Variants in AKAP9 observed in about 807,000 individuals in gnomAD.
The protein encoded by AKAP9 is A-kinase anchoring protein 9, also known as A-kinase anchor protein 9.
In AKAP9, 311 loss-of-function variants were observed where a neutral mutation model predicts 488.5. The observed-to-expected ratio is 0.64, with a 90% CI of 0.58 to 0.70. The LOEUF (loss-of-function observed/expected upper bound fraction) is 0.70. Among genes scored for constraint, AKAP9 ranks in the 30% least tolerant of loss-of-function variants. The pLI is 0.00. For missense variants in AKAP9, 4,215 were observed against 4,374.5 expected (o/e 0.96, Z 1.03); for synonymous variants, 1,462 against 1,483.5 (o/e 0.99, Z 0.33).
At chr7:92,096,461 A>G (rs952734276) in intron 40 of AKAP9, among the ~76,000 whole-genome samples, 27 of 151,870 alleles carry the variant, frequency 1.8e-4, no homozygotes, top group African/African-American at 3.1e-4. Context: ...CAGCCTCCCA[A>G]GTAGCTGGGA....
At chr7:91,987,702 A>G (rs757018418) in intron 3 of AKAP9, among the ~76,000 whole-genome samples, 73 of 152,196 alleles carry the variant, frequency 4.8e-4, no homozygotes, top group Non-Finnish European at 2.2e-4. Flanking sequence ...ATTTAATGAT[A>G]TTAGACTGGC....
In AKAP9 at chr7:92,097,367, C is replaced by G. The variant is rs1816796885; in HGVS notation, c.10398+10C>G. The G allele has an allele frequency of 1.9e-6, 3 of 1,611,712 alleles. No homozygotes were observed. The highest frequency in any genetic ancestry group is 2.5e-6 in the Non-Finnish European group (3 of 1,179,002). On this transcript the variant is annotated intron_variant, in intron 41 of 49. Coordinates refer to ENST00000356239, the MANE Select transcript of AKAP9 (RefSeq NM_005751.5). ...TCAGAACCTTAATGAGGTAAACTGACAGTTTCTTTTTAGATATTTTTAAGG... is the reference window on the plus strand; with the variant it reads ...TCAGAACCTTAATGAGGTAAACTGAGAGTTTCTTTTTAGATATTTTTAAGG...
chr7:92,065,476 A>C lies in AKAP9; in HGVS notation c.6210+13A>C. On this transcript the variant is annotated intron_variant, in intron 25 of 49. Coordinates refer to ENST00000356239, the MANE Select transcript of AKAP9 (RefSeq NM_005751.5). ...AAAATTTTTAGATGTAAGTATTCTC[A>C]AGTTGAATACTGATTTTTCTCAGTG... 1.7e-5 allele frequency: 26 copies of C among 1,546,120 alleles called. No homozygotes were observed. The highest frequency in any genetic ancestry group is 2.7e-5 in the African/African-American group (2 of 73,600).
intron 37 of AKAP9, among the ~76,000 whole-genome samples, chr7:92,088,627 G>T (rs1157534037): frequency 6.6e-6 from 1 of 152,200 alleles, no homozygotes; most frequent in East Asian, 1.9e-4. Context: ...TAGGGTTAGG[G>T]AGAGAGTTTG....
At chr7:91,973,681 G>A (rs201748737) in intron 1 of AKAP9, 30 bp from the exon 2 acceptor site, 32 of 1,607,688 alleles carry the variant, frequency 2.0e-5, no homozygotes, top group Non-Finnish European at 2.5e-5. Context: ...AATTATCTTT[G>A]ACAATAACGG....
Position 91,971,982 on chromosome 7 carries a change from CTTTTT to C in AKAP9, c.49-1713_49-1709del, listed in dbSNP as rs71107846. Among the ~76,000 whole-genome samples the C allele has an allele frequency of 1.5e-4, 14 of 91,884 alleles. No homozygotes were observed. The South Asian group carries it at 3.1e-3, about 20-fold the overall frequency. The allele number at this position is 91,884 out of a possible 152,430, so 60.3% of individuals were successfully genotyped here. A position where few individuals can be genotyped will look rare whatever the true frequency, so the allele number is the denominator to read the frequency against. On this transcript the variant is annotated intron_variant, in intron 1 of 49. Coordinates refer to ENST00000356239, the MANE Select transcript of AKAP9 (RefSeq NM_005751.5). ...ATAGAGTCTTTTATGTTTTGCCTCT[CTTTTT>C]TTTTTTTTTTTTTTTGCACTATGTC... is the stretch of plus-strand genomic sequence containing the variant.
intron 2 of AKAP9, 98 bp from the exon 3 acceptor site, chr7:91,980,191 A>C: frequency 1.5e-6 from 1 of 655,370 alleles, no homozygotes; most frequent in South Asian, 2.5e-5. Flanking sequence ...ATTTTATGTG[A>C]CTTTTCTATC....
Position 92,070,171 on chromosome 7 carries a change from C to T in AKAP9, c.6472C>T (p.Gln2158Ter), listed in dbSNP as rs1271398612. 6.2e-7 allele frequency: 1 copy of T among 1,613,992 alleles called. No homozygotes were observed. The highest frequency in any genetic ancestry group is 8.5e-7 in the Non-Finnish European group (1 of 1,179,934). Residue 2158 changes from glutamine to a stop codon, truncating the protein, a stop_gained, in exon 27 of 50, where the codon CAG (glutamine) becomes TAG (stop). Coordinates refer to ENST00000356239, the MANE Select transcript of AKAP9 (RefSeq NM_005751.5). LOFTEE classifies it high-confidence loss of function. ...KLEFRVRELE[Q>*]ALLVSADTFQ... ...GGAGTTCAGAGTAAGAGAACTGGAG[C>T]AGGCGCTTCTTGTGAGTGCAGATAC...
intron 22 of AKAP9, among the ~76,000 whole-genome samples, chr7:92,059,573 TA>T (rs1283843892): frequency 9.9e-5 from 15 of 151,986 alleles, no homozygotes; most frequent in African/African-American, 3.6e-4. Flanking sequence ...TTTACTTACC[TA>T]AAGCAAGCAT....
At chr7:92,037,896 A>G (rs1348798315) in intron 16 of AKAP9, among the ~76,000 whole-genome samples, 1 of 152,234 alleles carries the variant, frequency 6.6e-6, no homozygotes, top group Non-Finnish European at 1.5e-5. Context: ...TCTATGTAAT[A>G]TGAAACTTTG....
chr7:92,084,024 T>G (rs1814079286), intron 33 of AKAP9, among the ~76,000 whole-genome samples: 1 of 152,172 alleles, frequency 6.6e-6, no homozygotes, highest in Non-Finnish European at 1.5e-5. Flanking sequence ...CCCCTCCCTG[T>G]GTCCATGTGT....
intron 7 of AKAP9, among the ~76,000 whole-genome samples, chr7:91,997,860 T>A (rs1011576997): frequency 3.3e-5 from 5 of 152,338 alleles, no homozygotes; most frequent in East Asian, 1.9e-4. Context: ...TACATTTTTT[T>A]AAATTTTTAT....
chr7:91,965,203 TC>T (rs1794288780), intron 1 of AKAP9, among the ~76,000 whole-genome samples: 1 of 152,174 alleles, frequency 6.6e-6, no homozygotes, highest in African/African-American at 2.4e-5. Flanking sequence ...ACCTTCCTAC[TC>T]TTCCCAGTCT....
chr7:92,102,491 C>CTACTACTACTACTACT, intron 45 of AKAP9, 103 bp from the exon 46 acceptor site: 1 of 656,632 alleles, frequency 1.5e-6, no homozygotes, highest in Non-Finnish European at 2.6e-6. Flanking sequence ...CTACTACTAC[C>CTACTACTACTACTACT]ACCACCACCA....
chr7:91,996,409 A>G (rs1170146482), intron 7 of AKAP9, among the ~76,000 whole-genome samples: 4 of 152,138 alleles, frequency 2.6e-5, no homozygotes, highest in Admixed American at 6.5e-5. Context: ...TTCAGAAGTG[A>G]CTTGCCTGAG....
At chr7:92,050,057 A>G (rs1017108956) in intron 21 of AKAP9, among the ~76,000 whole-genome samples, 1 of 148,842 alleles carries the variant, frequency 6.7e-6, no homozygotes, top group Non-Finnish European at 1.5e-5. Context: ...GGTAAATTTC[A>G]GCAAACTTTT....
chr7:91,958,877 CATT>C (rs199851004), intron 1 of AKAP9, among the ~76,000 whole-genome samples: 11 of 150,678 alleles, frequency 7.3e-5, no homozygotes, highest in African/African-American at 7.3e-5. Flanking sequence ...TTGAAAACAT[CATT>C]ATTATTATTA....
intron 45 of AKAP9, among the ~76,000 whole-genome samples, chr7:92,102,239 C>A (rs1382023698): frequency 6.8e-6 from 1 of 147,038 alleles, no homozygotes; most frequent in African/African-American, 2.5e-5. Context: ...TAGCTCTGTA[C>A]AATTAAAAAA....
Position 92,031,595 on chromosome 7 carries a change from A to C in AKAP9, c.4329A>C (p.Glu1443Asp). ...EKQYQEQLEEEVAKVIVSMSI... is the reference protein window; with the variant it reads ...EKQYQEQLEEDVAKVIVSMSI... ...AATACCAAGAACAATTAGAAGAAGA[A>C]GTAGCTAAGGTAGGCTTATAGCTTA... The change falls in exon 16 of 50, where the codon GAA (glutamate) becomes GAC (aspartate). Residue 1443 changes from glutamate (E) to aspartate (D), a missense_variant. By Grantham distance (45) the Glu-to-Asp change is conservative. Coordinates refer to ENST00000356239, the MANE Select transcript of AKAP9 (RefSeq NM_005751.5). The C allele has an allele frequency of 6.2e-7, 1 of 1,607,818 alleles. No homozygotes were observed. Among genetic ancestry groups the C allele is most frequent in the Non-Finnish European group, 8.5e-7 (1 of 1,174,668 alleles).
Sources: allele counts gnomAD v4.1 joint callset (sites outside exome capture counted in the v4.1 genomes callset), GRCh38; gene constraint gnomAD v4.1.1; transcripts MANE v1.5; gene names NCBI Gene and HGNC (gene_info 2026-07-23, HGNC 2026-07-21).